The following PPARG variants were observed in gnomAD, a reference collection of about 807,000 sequenced individuals.
PPARG encodes the protein peroxisome proliferator-activated receptor gamma.
In PPARG, 17 loss-of-function variants were observed where a neutral mutation model predicts 39.2. That is an observed-to-expected ratio of 0.43 (90% CI 0.30 to 0.65). The LOEUF (loss-of-function observed/expected upper bound fraction) is 0.65, where lower values mean the gene tolerates loss of function less well. PPARG is among the 30% of genes least tolerant of loss of function. The probability of loss-of-function intolerance (pLI) is 0.13; values close to 1 mark genes in which losing one functional copy is unlikely to be tolerated. For missense variants in PPARG, 406 were observed against 585.9 expected, an observed-to-expected ratio of 0.69 and a Z score of 3.17; for synonymous variants, 223 against 215.7, an observed-to-expected ratio of 1.03 and a Z score of -0.30.
At position 12,379,911 on chromosome 3, in the gene PPARG, T is replaced by C; in HGVS notation, c.200T>C (p.Leu67Pro). 6.2e-7 allele frequency: 1 copy of C among 1,608,504 alleles called. No homozygotes were observed. The highest frequency in any genetic ancestry group is 8.5e-7 in the Non-Finnish European group (1 of 1,174,912). The change falls in exon 3 of 8, where the codon CTG becomes CCG. Residue 67 changes from leucine to proline, a missense_variant. Leu to Pro is a moderately conservative substitution (Grantham distance 98). Around this residue, in one of 2 missense-constraint regions of PPARG, gnomAD observed 131 missense variants for 127.9 expected, o/e 1.02. Transcript: ENST00000651735. ...DPVVADYKYD[L>P]KLQEYQSAIK... ...GTGGTTGCAGATTACAAGTATGACC[T>C]GAAACTTCAAGAGTACCAAAGTATG...
At chr3:12,433,864 C>T (rs1337968059) in intron 7 of PPARG, 34 bp from the exon 8 acceptor site, 4 of 1,613,182 alleles carry the variant, frequency 2.5e-6, no homozygotes, top group East Asian at 4.5e-5. Context: ...TTTGACTGAA[C>T]CCCCTGTTGT....
At chr3:12,403,321 A>G (rs2050545249) in intron 5 of PPARG, among the ~76,000 whole-genome samples, 1 of 150,430 alleles carries the variant, frequency 6.6e-6, no homozygotes, top group African/African-American at 2.4e-5. Context: ...GTTATACTGT[A>G]TTTTTTTATT....
intron 2 of PPARG, among the ~76,000 whole-genome samples, chr3:12,357,690 C>T (rs1339122434): frequency 6.6e-6 from 1 of 152,170 alleles, no homozygotes; most frequent in African/African-American, 2.4e-5. Flanking sequence ...AGTTTGTTCA[C>T]CCACTGATGT....
chr3:12,432,751 A>C (rs989096694), intron 7 of PPARG, among the ~76,000 whole-genome samples: 5 of 152,236 alleles, frequency 3.3e-5, no homozygotes, highest in Non-Finnish European at 7.3e-5. Flanking sequence ...TCCATGATTA[A>C]AAGCTATTTG....
At chr3:12,372,853 CA>C (rs1206908194) in intron 2 of PPARG, among the ~76,000 whole-genome samples, 5 of 152,068 alleles carry the variant, frequency 3.3e-5, no homozygotes, top group Non-Finnish European at 7.4e-5. Context: ...CATTTAAAGC[CA>C]AGTTTGAAGG....
At chr3:12,425,349 G>A (rs1423866928) in intron 7 of PPARG, among the ~76,000 whole-genome samples, 1 of 152,214 alleles carries the variant, frequency 6.6e-6, no homozygotes, top group African/African-American at 2.4e-5. Context: ...GAGACATTGG[G>A]AAGGAGGACA....
At chr3:12,431,655 A>T (rs1159437126) in intron 7 of PPARG, among the ~76,000 whole-genome samples, 2 of 152,190 alleles carry the variant, frequency 1.3e-5, no homozygotes, top group Non-Finnish European at 2.9e-5. Context: ...AAAGAGCTCT[A>T]AGAGCTGGGC....
In PPARG at chr3:12,406,045, G is replaced by C. The variant is rs770030248; in HGVS notation, c.693G>C (p.Ala231=). 17 of 1,614,032 alleles carry C rather than the reference G, an allele frequency of 1.1e-5. 1 individual carries two copies. The South Asian group carries it at 1.9e-4, about 18-fold the overall frequency. Residue 231 remains alanine (A), a synonymous_variant, in exon 6 of 8, where the codon GCG becomes GCC. Transcript: ENST00000651735. Reference sequence around the variant, plus strand: ...CCTTCCCGCTGACCAAAGCAAAGGCGAGGGCGATCTTGACAGGAAAGACAA... The same window carrying C: ...CCTTCCCGCTGACCAAAGCAAAGGCCAGGGCGATCTTGACAGGAAAGACAA... ...IKSFPLTKAK[A]RAILTGKTTD...
chr3:12,322,017 A>G (rs900918566), intron 2 of PPARG, among the ~76,000 whole-genome samples: 3 of 152,268 alleles, frequency 2.0e-5, no homozygotes, highest in Non-Finnish European at 2.9e-5. Flanking sequence ...TAAATTGATC[A>G]ACATGCGATG....
At chr3:12,357,908 C>T (rs12629751) in intron 2 of PPARG, among the ~76,000 whole-genome samples, 12,070 of 152,198 alleles carry the variant, frequency 0.079, 665 homozygotes, top group East Asian at 0.29. Flanking sequence ...ATGCCAAACA[C>T]ATAATAAGTA....
At chr3:12,311,597 A>G (rs2047245833) in intron 1 of PPARG, among the ~76,000 whole-genome samples, 1 of 152,228 alleles carries the variant, frequency 6.6e-6, no homozygotes, top group South Asian at 2.1e-4. Flanking sequence ...AAAATACTGT[A>G]GAGTTTCATG....
At chr3:12,407,638 A>T (rs2050720784) in intron 6 of PPARG, among the ~76,000 whole-genome samples, 1 of 152,226 alleles carries the variant, frequency 6.6e-6, no homozygotes, top group Non-Finnish European at 1.5e-5. Context: ...CAATGACTTG[A>T]TAGATATGTG....
chr3:12,322,976 AT>A lies in PPARG; in HGVS notation c.-9+10532del, dbSNP rs201298614. Among the ~76,000 whole-genome samples, 119 of 150,220 alleles carry A rather than the reference AT, an allele frequency of 7.9e-4. 2 individuals carry two copies. The East Asian group carries it at 0.022, about 28-fold the overall frequency. ...AACACCATGCCTAGCTAATTTTTGT[AT>A]TTTTTTTTAATAGAGGTGGAATCTC... On this transcript the variant is annotated intron_variant, in intron 2 of 7. Transcript: ENST00000651735.
At chr3:12,366,550 A>G (rs11718489) in intron 2 of PPARG, among the ~76,000 whole-genome samples, 1 of 152,082 alleles carries the variant, frequency 6.6e-6, no homozygotes, top group Non-Finnish European at 1.5e-5. Context: ...TGAGTTTCTC[A>G]CCATTACTTA....
chr3:12,367,566 G>A (rs1223275567), intron 2 of PPARG, among the ~76,000 whole-genome samples: 3 of 151,796 alleles, frequency 2.0e-5, no homozygotes, highest in Non-Finnish European at 4.4e-5. Context: ...AAATGAACAT[G>A]GGCCAAGCAT....
intron 2 of PPARG, among the ~76,000 whole-genome samples, chr3:12,353,598 A>G (rs923696368): frequency 3.3e-5 from 5 of 152,156 alleles, no homozygotes; most frequent in Admixed American, 1.3e-4. Context: ...GGGTACTGCT[A>G]TTTAAGAAAA....
chr3:12,356,750 A>G lies in PPARG; in HGVS notation c.-8-22954A>G, dbSNP rs912862137. The stretch of plus-strand genomic sequence containing the variant: ...TCTTTATAATCCAGGCATATTTTAT[A>G]TATTTTACCTTATTTCTCACCACAT... On this transcript the variant is annotated intron_variant, in intron 2 of 7. Transcript: ENST00000651735. Among the ~76,000 whole-genome samples the G allele has an allele frequency of 1.3e-4, 20 of 152,156 alleles. No homozygotes were observed. In the South Asian group the frequency reaches 1.9e-3, roughly 14 times the overall value.
At chr3:12,414,206 C>T (rs991998406) in intron 6 of PPARG, among the ~76,000 whole-genome samples, 1 of 152,194 alleles carries the variant, frequency 6.6e-6, no homozygotes, top group African/African-American at 2.4e-5. Context: ...GTTCTGGGTA[C>T]AGTCTTTCCA....
At chr3:12,360,735 C>A (rs1016885235) in intron 2 of PPARG, among the ~76,000 whole-genome samples, 2 of 152,052 alleles carry the variant, frequency 1.3e-5, no homozygotes, top group Non-Finnish European at 2.9e-5. Flanking sequence ...AGCATTTATT[C>A]GTGAGATTAA....
Sources: gnomAD v4.1 joint callset for allele counts (sites outside exome capture counted in the v4.1 genomes callset) on GRCh38, gnomAD v4.1.1 for gene constraint, gnomAD v4.1.1 regional missense constraint, MANE v1.5 for transcripts, NCBI Gene and HGNC (gene_info 2026-07-23, HGNC 2026-07-21) for gene names.